Variants in NAA38 observed in about 807,000 individuals in gnomAD.
NAA38 encodes the protein N-alpha-acetyltransferase 38, NatC auxiliary subunit, also known as LSM domain containing 1.
A neutral mutation model predicts 12.6 loss-of-function variants in NAA38; 15 were observed. That is an observed-to-expected ratio of 1.19 (90% CI 0.79 to 1.83). The LOEUF (loss-of-function observed/expected upper bound fraction) is 1.83. Among genes scored for constraint, NAA38 ranks in the 40% most tolerant of loss-of-function variants. The pLI is 0.00. For synonymous variants in NAA38, 88 were observed against 69.9 expected (o/e 1.26, Z -1.29); for missense variants, 183 against 171.7 (o/e 1.07, Z -0.37).
upstream of NAA38, chr17:7,858,577 A>T (rs998484240): frequency 3.7e-6 from 6 of 1,609,230 alleles, no homozygotes; most frequent in Non-Finnish European, 5.1e-6. Flanking sequence ...GGCTGCTCTG[A>T]CACCCTCGCC....
chr17:7,882,389 AG>A (rs1489187701), intron 2 of NAA38, among the ~76,000 whole-genome samples: 1 of 152,236 alleles, frequency 6.6e-6, no homozygotes, highest in Non-Finnish European at 1.5e-5. Context: ...AGCCACACAC[AG>A]TCAGAGACTG....
At chr17:7,884,252 T>G (rs2151397795) in intron 1 of NAA38, among the ~76,000 whole-genome samples, 1 of 150,604 alleles carries the variant, frequency 6.6e-6, no homozygotes, top group Middle Eastern at 3.4e-3. Context: ...GCCATTTTGT[T>G]TGAAAAGGGG....
chr17:7,874,213 C>A (rs1967135164), intron 2 of NAA38, among the ~76,000 whole-genome samples: 1 of 151,912 alleles, frequency 6.6e-6, no homozygotes, highest in Non-Finnish European at 1.5e-5. Context: ...CATGGTGGGT[C>A]CAAGAACAGA....
upstream of NAA38, chr17:7,862,739 A>G (rs893483739): frequency 1.3e-5 from 1 of 75,724 alleles, no homozygotes; most frequent in African/African-American, 6.5e-5. Flanking sequence ...AACTCCATCT[A>G]AAAAAAAAAA....
chr17:7,885,150 G>A (rs1967594427), intron 1 of NAA38: 1 of 982,492 alleles, frequency 1.0e-6, no homozygotes, highest in African/African-American at 1.8e-5. Context: ...AGCCGGGCGG[G>A]GGCGAGGCAC....
intron 2 of NAA38, among the ~76,000 whole-genome samples, chr17:7,867,762 G>C (rs1967015264): frequency 6.6e-6 from 1 of 152,260 alleles, no homozygotes; most frequent in African/African-American, 2.4e-5. Context: ...CCCTAATGCA[G>C]TAGTCCAGGT....
upstream of NAA38, chr17:7,859,507 T>C: frequency 6.2e-7 from 1 of 1,614,152 alleles, no homozygotes; most frequent in Non-Finnish European, 8.5e-7. Flanking sequence ...TGGAAGAGAA[T>C]GGGATCCGGG....
chr17:7,857,447 G>A lies in NAA38; in HGVS notation c.17C>T (p.Pro6Leu), dbSNP rs61744305. ...ATTCTCTTCTCGTAGCAGCATGGTCGGTCCAGCTCCGGCCATTTGCCCGGA... is the reference window on the plus strand; with the variant it reads ...ATTCTCTTCTCGTAGCAGCATGGTCAGTCCAGCTCCGGCCATTTGCCCGGA... MAGAG[P>L]TMLLREENGC... Residue 6 changes from proline (P) to leucine (L), a missense_variant, in exon 1 of 3, where the codon CCG becomes CTG. By Grantham distance (98) the Pro-to-Leu change is moderately conservative. Transcript: ENST00000575771. 5.0e-5 allele frequency: 78 copies of A among 1,549,038 alleles called. No homozygotes were observed. Among genetic ancestry groups the A allele is most frequent in the Non-Finnish European group, 6.2e-5 (71 of 1,147,314 alleles).
intron 3 of NAA38, chr17:7,863,726 T>C (rs922304962): frequency 2.6e-5 from 4 of 152,140 alleles, no homozygotes; most frequent in African/African-American, 9.7e-5. Context: ...ATTCTCCAAA[T>C]AGCCCAACCC....
chr17:7,882,125 CAA>C (rs1465582820), intron 2 of NAA38, among the ~76,000 whole-genome samples: 4 of 152,104 alleles, frequency 2.6e-5, no homozygotes, highest in Non-Finnish European at 4.4e-5. Context: ...AAAGCACACT[CAA>C]GAGAGAGAAT....
chr17:7,885,039 CG>C, intron 1 of NAA38: 1 of 1,122,562 alleles, frequency 8.9e-7, no homozygotes, highest in Non-Finnish European at 1.1e-6. Context: ...CCGCCGCCGC[CG>C]CCGCCGCCAC....
At chr17:7,859,434 ACT>A, upstream of NAA38, 1 of 1,614,064 alleles carries the variant, frequency 6.2e-7, no homozygotes, top group South Asian at 1.1e-5. Flanking sequence ...CTCCCCTATA[ACT>A]CACATGCTGC....
chr17:7,858,966 C>T (rs2078860495), upstream of NAA38: 6 of 752,432 alleles, frequency 8.0e-6, no homozygotes, highest in Non-Finnish European at 1.0e-5. Flanking sequence ...GAGGAAAGCA[C>T]AGCACCTAGG....
At chr17:7,856,933 TG>T in intron 2 of NAA38, 81 bp downstream of exon 2, 1 of 1,591,138 alleles carries the variant, frequency 6.3e-7, no homozygotes, top group Non-Finnish European at 8.6e-7. Flanking sequence ...AAACAAGGGT[TG>T]CAGCCAGGCC....
chr17:7,877,742 A>G (rs370438145), intron 2 of NAA38, among the ~76,000 whole-genome samples: 1 of 152,356 alleles, frequency 6.6e-6, no homozygotes, highest in Non-Finnish European at 1.5e-5. Context: ...ACATACTATT[A>G]AATTGGCCTT....
chr17:7,885,108 C>A (rs1439501252), intron 1 of NAA38: 106 of 982,362 alleles, frequency 1.1e-4, no homozygotes, highest in Non-Finnish European at 1.2e-4. Context: ...CGACTCCCCC[C>A]CCAAGCCCGA....
In NAA38 at chr17:7,857,008, C is replaced by T. The variant is rs756530086; in HGVS notation, c.265+7G>A. On this transcript the variant is annotated splice_region_variant and intron_variant, in intron 2 of 2. Transcript: ENST00000575771. ...ACCAGGCGGGTGTGCATTCCCCGGG[C>T]ACTGACCCGACGGCTTGAGGAACTC... 2 of 1,601,742 alleles carry T rather than the reference C, an allele frequency of 1.2e-6. No individual in the cohort carries two copies. Among genetic ancestry groups the T allele is most frequent in the Non-Finnish European group, 1.7e-6 (2 of 1,171,542 alleles).
Position 7,856,695 on chromosome 17 carries a change from A to C in NAA38, c.*36T>G, listed in dbSNP as rs1285358898. 1 of 1,551,152 alleles carries C rather than the reference A, an allele frequency of 6.4e-7. No individual in the cohort carries two copies. Among genetic ancestry groups the C allele is most frequent in the Non-Finnish European group, 8.9e-7 (1 of 1,123,546 alleles). On this transcript the variant is annotated 3_prime_UTR_variant, in exon 3 of 3. Transcript: ENST00000575771. ...ACAGACACAGGCCCATTCGGTCATA[A>C]GTTTAATGAAGTCTGAAAGGTAAGC... is the stretch of plus-strand genomic sequence containing the variant.
chr17:7,864,170 T>C (rs1565816), intron 3 of NAA38: 1 of 152,002 alleles, frequency 6.6e-6, no homozygotes, highest in Non-Finnish European at 1.5e-5. Context: ...GGTTTGGCTG[T>C]AAGAATGCAC....
Sources: gnomAD v4.1 joint callset for allele counts (sites outside exome capture counted in the v4.1 genomes callset) on GRCh38, gnomAD v4.1.1 for gene constraint, MANE v1.5 for transcripts, NCBI Gene and HGNC (gene_info 2026-07-23, HGNC 2026-07-21) for gene names.